The following ZNF518A variants were observed in gnomAD, a reference collection of about 807,000 sequenced individuals.
The protein encoded by ZNF518A is zinc finger protein 518.
In ZNF518A, 47 loss-of-function variants were observed where a neutral mutation model predicts 102.7. That is an observed-to-expected ratio of 0.46 (90% CI 0.36 to 0.58). The LOEUF (loss-of-function observed/expected upper bound fraction) is 0.58. Among genes scored for constraint, ZNF518A ranks in the 20% least tolerant of loss-of-function variants. ZNF518A has a pLI of 0.00. For missense variants in ZNF518A, 1,793 were observed against 1,699.8 expected (o/e 1.05, Z -0.96); for synonymous variants, 652 against 594.6 (o/e 1.10, Z -1.40).
At chr10:96,179,622 A>G (rs1199607156) in intron 1 of ZNF518A, among the ~76,000 whole-genome samples, 3 of 152,166 alleles carry the variant, frequency 2.0e-5, no homozygotes, top group African/African-American at 7.2e-5. Context: ...ACTCCTAGAT[A>G]TTTTTTCTAA....
chr10:96,204,607 A>G, downstream of ZNF518A: 1 of 1,614,008 alleles, frequency 6.2e-7, no homozygotes, highest in East Asian at 2.2e-5. Flanking sequence ...TTCAGCAGGT[A>G]TAGGTTTTTC....
chr10:96,198,752 G>T (rs2083542608), intron 1 of ZNF518A, among the ~76,000 whole-genome samples: 1 of 152,232 alleles, frequency 6.6e-6, no homozygotes, highest in South Asian at 2.1e-4. Context: ...AGGCTGGAGA[G>T]CAGTGGCATG....
At chr10:96,166,883 A>C (rs2083144692), downstream of ZNF518A, among the ~76,000 whole-genome samples, 2 of 152,220 alleles carry the variant, frequency 1.3e-5, no homozygotes, top group African/African-American at 2.4e-5. Flanking sequence ...ACCAGAGAGA[A>C]CTTCTAAACT....
intron 1 of ZNF518A, among the ~76,000 whole-genome samples, chr10:96,199,055 C>T (rs1471271093): frequency 2.0e-4 from 31 of 152,106 alleles, no homozygotes; most frequent in Non-Finnish European, 4.4e-5. Flanking sequence ...ACGATTTTTC[C>T]TCAGAATCTA....
rs2083005615 is a variant in ZNF518A at position 96,161,677 on chromosome 10, C to A, written c.*903C>A. ...AAAGAGTGGAACATAGGAGCACTTC[C>A]AAGGGAGTGGCTTTTCTTGAAAATT... On this transcript the variant is annotated 3_prime_UTR_variant, in exon 6 of 6. Transcript: ENST00000316045. 6.0e-6 allele frequency: 1 copy of A among 166,894 alleles called. No homozygotes were observed. The highest frequency in any genetic ancestry group is 6.6e-5 in the Admixed American group (1 of 15,244). 10.3% of individuals were successfully genotyped at this position (166,894 alleles called of 1,614,324 possible).
At chr10:96,189,367 G>T in intron 1 of ZNF518A, 1 of 569,420 alleles carries the variant, frequency 1.8e-6, no homozygotes, top group South Asian at 1.4e-5. Flanking sequence ...TTTCTAAAGA[G>T]ACTTCCTCCA....
chr10:96,139,080 A>G (rs1207131222), intron 3 of ZNF518A, among the ~76,000 whole-genome samples: 1 of 151,940 alleles, frequency 6.6e-6, no homozygotes, highest in Non-Finnish European at 1.5e-5. Context: ...CAAGTAGGGA[A>G]CAGCAGGTGC....
downstream of ZNF518A, chr10:96,204,475 C>G (rs1219020372): frequency 6.4e-7 from 1 of 1,551,186 alleles, no homozygotes; most frequent in Non-Finnish European, 8.9e-7. Context: ...AAACAATGCA[C>G]ATGTTAATTC....
At chr10:96,184,602 T>C (rs2083259965) in intron 1 of ZNF518A, among the ~76,000 whole-genome samples, 1 of 152,234 alleles carries the variant, frequency 6.6e-6, no homozygotes, top group South Asian at 2.1e-4. Context: ...TTGAAAATTC[T>C]TTTCTTTAAG....
At chr10:96,138,937 A>AT (rs782442450) in intron 3 of ZNF518A, among the ~76,000 whole-genome samples, 6,084 of 136,006 alleles carry the variant, frequency 0.045, 157 homozygotes, top group Middle Eastern at 0.079. Context: ...AAAGTGGCGA[A>AT]TTTTTTTTTT....
intron 1 of ZNF518A, among the ~76,000 whole-genome samples, chr10:96,180,345 A>C (rs1441902250): frequency 2.0e-5 from 3 of 150,210 alleles, no homozygotes; most frequent in African/African-American, 7.4e-5. Context: ...CAATTTTTTC[A>C]TCTTTTTTTT....
downstream of ZNF518A, among the ~76,000 whole-genome samples, chr10:96,168,510 A>T (rs2083156019): frequency 1.4e-5 from 2 of 143,398 alleles, no homozygotes; most frequent in South Asian, 2.2e-4. Flanking sequence ...TACTCCCTTT[A>T]GCTTTTTTTT....
In ZNF518A at chr10:96,162,538, G is replaced by A. The variant is rs1301899785; in HGVS notation, c.*1764G>A. On this transcript the variant is annotated 3_prime_UTR_variant, in exon 6 of 6. Coordinates refer to ENST00000316045, the MANE Select transcript of ZNF518A (RefSeq NM_001330736.2). ...ATGCACATTATACTTGTACTGTTTT[G>A]TGCAGTTTGTCTACTTTCTTAGTGA... is the stretch of plus-strand genomic sequence containing the variant. The A allele has an allele frequency of 6.0e-6, 1 of 166,802 alleles. No individual in the cohort carries two copies. The highest frequency in any genetic ancestry group is 2.4e-5 in the African/African-American group (1 of 41,400). The allele number at this position is 166,802 out of a possible 1,614,324, so 10.3% of individuals were successfully genotyped here. A position where few individuals can be genotyped will look rare whatever the true frequency, so the allele number is the denominator to read the frequency against.
chr10:96,204,513 T>C (rs2133965457), downstream of ZNF518A: 6 of 1,612,386 alleles, frequency 3.7e-6, no homozygotes, highest in East Asian at 2.2e-5. Context: ...AACTGATCTT[T>C]AAAGGAAAGG....
intron 3 of ZNF518A, among the ~76,000 whole-genome samples, chr10:96,137,135 C>T (rs1228381486): frequency 6.6e-6 from 1 of 152,224 alleles, no homozygotes; most frequent in Non-Finnish European, 1.5e-5. Context: ...TTTATCCTCC[C>T]CTCTAGTTAC....
At chr10:96,147,879 T>C (rs2082243447) in intron 3 of ZNF518A, among the ~76,000 whole-genome samples, 1 of 152,184 alleles carries the variant, frequency 6.6e-6, no homozygotes, top group African/African-American at 2.4e-5. Context: ...ATGATTTCCT[T>C]CCCCTTTGTA....
At chr10:96,182,456 G>T (rs1028787311) in intron 1 of ZNF518A, among the ~76,000 whole-genome samples, 3 of 152,198 alleles carry the variant, frequency 2.0e-5, no homozygotes, top group South Asian at 2.1e-4. Context: ...CAGTATGATG[G>T]TGGCTGTGGG....
At chr10:96,143,482 A>T (rs2082033883) in intron 3 of ZNF518A, among the ~76,000 whole-genome samples, 2 of 152,114 alleles carry the variant, frequency 1.3e-5, no homozygotes, top group African/African-American at 4.8e-5. Flanking sequence ...CTTCTTTCTT[A>T]CATGTTTTAA....
chr10:96,195,948 C>T (rs2083454743), intron 1 of ZNF518A, among the ~76,000 whole-genome samples: 1 of 152,166 alleles, frequency 6.6e-6, no homozygotes, highest in Non-Finnish European at 1.5e-5. Context: ...ACACTGAAGC[C>T]AGTTACTGTG....
Sources: allele counts gnomAD v4.1 joint callset (sites outside exome capture counted in the v4.1 genomes callset), GRCh38; gene constraint gnomAD v4.1.1; transcripts MANE v1.5; gene names NCBI Gene and HGNC (gene_info 2026-07-23, HGNC 2026-07-21).